Variants in NELL2 observed in about 807,000 individuals in gnomAD.
The protein encoded by NELL2 is neural EGFL like 2.
A neutral mutation model predicts 109.6 loss-of-function variants in NELL2; 41 were observed. The ratio of observed to expected loss-of-function variants is 0.37; its 90% CI spans 0.29 to 0.49. The LOEUF (loss-of-function observed/expected upper bound fraction) is 0.49, where lower values mean the gene tolerates loss of function less well. NELL2 is among the 20% of genes least tolerant of loss of function. NELL2 has a pLI of 0.98. For synonymous variants in NELL2, 355 were observed against 344.7 expected (o/e 1.03, Z -0.33); for missense variants, 900 against 1,008.3 (o/e 0.89, Z 1.45).
intron 12 of NELL2, among the ~76,000 whole-genome samples, chr12:44,701,705 T>A (rs1949235465): frequency 6.6e-6 from 1 of 152,166 alleles, no homozygotes; most frequent in African/African-American, 2.4e-5. Context: ...CTTCACTTCC[T>A]ATAACTTTCC....
At chr12:44,781,618 A>C (rs989748180) in intron 3 of NELL2, among the ~76,000 whole-genome samples, 11 of 152,122 alleles carry the variant, frequency 7.2e-5, no homozygotes, top group African/African-American at 2.7e-4. Context: ...AATCTTCTGA[A>C]AACTAAAAAC....
chr12:44,817,454 A>G (rs941319612), intron 2 of NELL2, among the ~76,000 whole-genome samples: 4 of 152,202 alleles, frequency 2.6e-5, no homozygotes, highest in African/African-American at 9.7e-5. Context: ...GATACAATGA[A>G]AGAAATGCTC....
At chr12:44,861,053 C>G (rs1944826761) in intron 2 of NELL2, among the ~76,000 whole-genome samples, 1 of 152,138 alleles carries the variant, frequency 6.6e-6, no homozygotes, top group African/African-American at 2.4e-5. Context: ...ACTATCAACA[C>G]ATAACAATAT....
In NELL2 at chr12:44,686,669, C is replaced by T. The variant is rs374389432; in HGVS notation, c.1318+17057G>A. On this transcript the variant is annotated intron_variant, in intron 12 of 19. Transcript: ENST00000429094. ...TCAGCTGCAGGTCTGTTGGAGTACC[C>T]GGCCGTGTGAGGTGTCAGTCTGCCC... is the stretch of plus-strand genomic sequence containing the variant. Among the ~76,000 whole-genome samples, 18 of 151,338 alleles carry T rather than the reference C, an allele frequency of 1.2e-4. 1 individual carries two copies. The East Asian group carries it at 1.7e-3, about 15-fold the overall frequency.
At chr12:44,824,799 C>T (rs1206429727) in intron 2 of NELL2, among the ~76,000 whole-genome samples, 4 of 151,110 alleles carry the variant, frequency 2.6e-5, no homozygotes, top group Non-Finnish European at 4.4e-5. Flanking sequence ...CAAGCTCCGC[C>T]TCCCGGGTTC....
chr12:44,566,737 T>C (rs1943675314), intron 15 of NELL2, among the ~76,000 whole-genome samples: 2 of 152,188 alleles, frequency 1.3e-5, no homozygotes, highest in Non-Finnish European at 2.9e-5. Context: ...TCATCATCTA[T>C]ACAAACAAGA....
intron 11 of NELL2, among the ~76,000 whole-genome samples, chr12:44,708,563 T>G (rs1287738430): frequency 6.6e-6 from 1 of 152,210 alleles, no homozygotes; most frequent in Non-Finnish European, 1.5e-5. Flanking sequence ...GACTAAAAAT[T>G]TAAGCCTTGA....
chr12:44,828,604 C>G (rs1207803863), intron 2 of NELL2, among the ~76,000 whole-genome samples: 1 of 151,996 alleles, frequency 6.6e-6, no homozygotes, highest in Non-Finnish European at 1.5e-5. Context: ...ATCAACTAAT[C>G]AAACAAAAAG....
intron 16 of NELL2, among the ~76,000 whole-genome samples, chr12:44,523,826 T>A (rs914725462): frequency 5.9e-5 from 9 of 152,206 alleles, no homozygotes; most frequent in Non-Finnish European, 1.0e-4. Flanking sequence ...CAGTGGAAAT[T>A]CTAAAAGTGC....
chr12:44,643,460 T>C (rs1347889002), intron 13 of NELL2, among the ~76,000 whole-genome samples: 1 of 152,096 alleles, frequency 6.6e-6, no homozygotes, highest in East Asian at 1.9e-4. Context: ...GAATAAAAAG[T>C]TATGTCTAAA....
rs1477103721 is a variant in NELL2 at position 44,779,734 on chromosome 12, G to C, written c.535C>G (p.Pro179Ala). Residue 179 changes from proline (P) to alanine (A), a missense_variant, in exon 5 of 20, where the codon CCC (proline) becomes GCC (alanine). By Grantham distance (27) the Pro-to-Ala change is conservative (BLOSUM62 -1). This residue lies in a region of NELL2 where 75 missense variants were observed against 118.9 expected (regional missense o/e 0.63). Coordinates refer to ENST00000429094, the MANE Select transcript of NELL2 (RefSeq NM_001145108.2). ...GTGCCTAGAGGCAAGTCTGTGGAGG[G>C]CTTTTCTACTACCCTTTCATAAATT... The part of the protein sequence containing the change: ...NKIYERVVEK[P>A]STDLPLGTTF... The C allele has an allele frequency of 6.2e-7, 1 of 1,613,832 alleles. No individual in the cohort carries two copies. The highest frequency in any genetic ancestry group is 8.5e-7 in the Non-Finnish European group (1 of 1,179,866).
upstream of NELL2, among the ~76,000 whole-genome samples, chr12:44,918,118 G>A (rs984956018): frequency 3.9e-5 from 6 of 152,118 alleles, no homozygotes; most frequent in Non-Finnish European, 4.4e-5. Flanking sequence ...AAAAGCAGAC[G>A]CAAACATCAC....
intron 19 of NELL2, among the ~76,000 whole-genome samples, chr12:44,518,439 G>A (rs988952812): frequency 6.6e-6 from 1 of 151,970 alleles, no homozygotes; most frequent in Non-Finnish European, 1.5e-5. Flanking sequence ...TAGAGACGGG[G>A]TTTCACCGTG....
intron 3 of NELL2, among the ~76,000 whole-genome samples, chr12:44,800,980 G>A (rs2136652593): frequency 1.3e-5 from 2 of 152,228 alleles, no homozygotes; most frequent in South Asian, 4.1e-4. Context: ...CAAGGAAGAA[G>A]GCAACAGGAT....
At chr12:44,761,573 T>C (rs12312100) in intron 9 of NELL2, among the ~76,000 whole-genome samples, 62,604 of 150,958 alleles carry the variant, frequency 0.41, 13,562 homozygotes, top group Non-Finnish European at 0.49. Context: ...TTAAAATATA[T>C]AGCAGGACTA....
At chr12:44,829,912 A>C (rs1943834164) in intron 2 of NELL2, among the ~76,000 whole-genome samples, 1 of 152,216 alleles carries the variant, frequency 6.6e-6, no homozygotes, top group African/African-American at 2.4e-5. Flanking sequence ...AAGCTGAATC[A>C]CAAGGCTTTC....
At chr12:44,652,789 C>T (rs1486027073) in intron 13 of NELL2, among the ~76,000 whole-genome samples, 1 of 152,200 alleles carries the variant, frequency 6.6e-6, no homozygotes, top group Non-Finnish European at 1.5e-5. Flanking sequence ...GCTAAAATCA[C>T]AATGTCCACA....
chr12:44,511,778 T>A (rs1172474041), intron 19 of NELL2, among the ~76,000 whole-genome samples: 1 of 152,154 alleles, frequency 6.6e-6, no homozygotes, highest in Non-Finnish European at 1.5e-5. Context: ...ATAAACAGTT[T>A]AAGTTTTCCT....
chr12:44,585,877 T>C (rs1944475595), intron 15 of NELL2, among the ~76,000 whole-genome samples: 2 of 151,818 alleles, frequency 1.3e-5, no homozygotes, highest in African/African-American at 4.8e-5. Context: ...CAAAGAATTA[T>C]TGGGCTCCAG....
Sources: allele counts gnomAD v4.1 joint callset (sites outside exome capture counted in the v4.1 genomes callset), GRCh38; gene constraint gnomAD v4.1.1; regional missense constraint gnomAD v4.1.1; transcripts MANE v1.5; gene names NCBI Gene and HGNC (gene_info 2026-07-23, HGNC 2026-07-21).